PPARD: variants seen among roughly 807,000 people sequenced by gnomAD.
PPARD encodes the protein peroxisome proliferator activated receptor delta, also known as peroxisome proliferator-activated receptor delta.
In PPARD, 6 loss-of-function variants were observed where a neutral mutation model predicts 39.5. The observed-to-expected ratio is 0.15, with a 90% confidence interval of 0.08 to 0.30. The LOEUF (loss-of-function observed/expected upper bound fraction) is 0.30, where lower values mean the gene tolerates loss of function less well. Ranked by LOEUF, PPARD falls within the 10% of genes least tolerant of loss-of-function variation. PPARD has a pLI of 1.00. For missense variants in PPARD, 397 were observed against 596.8 expected, an observed-to-expected ratio of 0.67 and a Z score of 3.49; for synonymous variants, 210 against 231.3, an observed-to-expected ratio of 0.91 and a Z score of 0.83.
intron 2 of PPARD, among the ~76,000 whole-genome samples, chr6:35,391,432 G>A (rs942113132): frequency 4.6e-5 from 7 of 152,172 alleles, no homozygotes. Context: ...TCGGGTTTAC[G>A]TTGTTGGTGG....
chr6:35,350,645 G>C (rs1761187185), intron 2 of PPARD, among the ~76,000 whole-genome samples: 1 of 74,672 alleles, frequency 1.3e-5, no homozygotes, highest in Admixed American at 1.4e-4. Context: ...CTCTGAGACA[G>C]AGTTTTGCTC....
Position 35,419,478 on chromosome 6 carries a change from A to G in PPARD, c.131-649A>G, listed in dbSNP as rs980627157. ...TCAAACATCTATACGTCTGATAGAAAAACTTGGAGAAATTCAGTGTGTTGC... is the reference window on the plus strand; with the variant it reads ...TCAAACATCTATACGTCTGATAGAAGAACTTGGAGAAATTCAGTGTGTTGC... On this transcript the variant is annotated intron_variant, in intron 3 of 7. Transcript: ENST00000360694. Among the ~76,000 whole-genome samples the G allele has an allele frequency of 3.3e-5, 5 of 152,236 alleles. No homozygotes were observed. The East Asian group carries it at 9.6e-4, about 29-fold the overall frequency.
intron 2 of PPARD, chr6:35,349,089 G>C (rs1489749120): frequency 2.2e-6 from 2 of 898,276 alleles, no homozygotes; most frequent in Non-Finnish European, 2.7e-6. Context: ...GCAGTGGCGC[G>C]ATCTAGGCTC....
intron 2 of PPARD, among the ~76,000 whole-genome samples, chr6:35,384,329 C>T (rs1328618764): frequency 2.9e-5 from 4 of 139,230 alleles, no homozygotes; most frequent in East Asian, 2.3e-4. Flanking sequence ...GCCTCCCGCC[C>T]GGCCAGCCGC....
chr6:35,349,681 GT>G (rs1761119655), intron 2 of PPARD, among the ~76,000 whole-genome samples: 1 of 149,900 alleles, frequency 6.7e-6, no homozygotes, highest in Non-Finnish European at 1.5e-5. Flanking sequence ...TTTTTTGTTT[GT>G]TTTTGTTTTT....
chr6:35,390,117 C>G (rs1383817824), intron 2 of PPARD, among the ~76,000 whole-genome samples: 1 of 152,226 alleles, frequency 6.6e-6, no homozygotes, highest in Non-Finnish European at 1.5e-5. Context: ...CGTTGCCTGA[C>G]TCACCTTGGC....
At chr6:35,418,163 A>G (rs1304823014) in intron 3 of PPARD, among the ~76,000 whole-genome samples, 5 of 152,246 alleles carry the variant, frequency 3.3e-5, no homozygotes, top group African/African-American at 1.2e-4. Context: ...CCACAAAGAC[A>G]AAATTACAAG....
At chr6:35,394,110 C>T (rs1764173698) in intron 2 of PPARD, among the ~76,000 whole-genome samples, 2 of 152,230 alleles carry the variant, frequency 1.3e-5, no homozygotes, top group African/African-American at 2.4e-5. Context: ...CACCAGTCCC[C>T]CTCATTCTCC....
chr6:35,347,230 GA>G, intron 2 of PPARD, 80 bp downstream of exon 2: 1 of 1,486,754 alleles, frequency 6.7e-7, no homozygotes, highest in South Asian at 1.2e-5. Context: ...CCTTGAAGAT[GA>G]AATAATTTCA....
At chr6:35,422,270 T>C (rs902234886) in intron 5 of PPARD, among the ~76,000 whole-genome samples, 2 of 152,180 alleles carry the variant, frequency 1.3e-5, no homozygotes, top group African/African-American at 4.8e-5. Context: ...CTTGAACAAT[T>C]TGGGGAACAC....
At chr6:35,393,280 G>A (rs1318422209) in intron 2 of PPARD, among the ~76,000 whole-genome samples, 1 of 152,196 alleles carries the variant, frequency 6.6e-6, no homozygotes, top group Non-Finnish European at 1.5e-5. Flanking sequence ...AAAGGAAACA[G>A]GGTTTATAGA....
At chr6:35,379,099 T>G (rs1178370001) in intron 2 of PPARD, among the ~76,000 whole-genome samples, 1 of 150,446 alleles carries the variant, frequency 6.6e-6, no homozygotes, top group Non-Finnish European at 1.5e-5. Context: ...TTTCTTTCTT[T>G]TTTTTTTTTT....
intron 2 of PPARD, among the ~76,000 whole-genome samples, chr6:35,397,066 C>T (rs1405475936): frequency 1.3e-5 from 2 of 152,158 alleles, no homozygotes; most frequent in Non-Finnish European, 2.9e-5. Context: ...CTGCCCTTCA[C>T]TCTTCCCTCG....
Position 35,425,532 on chromosome 6 carries a change from C to T in PPARD, c.1079-300C>T. 1.2e-6 allele frequency: 1 copy of T among 842,960 alleles called. No individual in the cohort carries two copies. The highest frequency in any genetic ancestry group is 1.7e-6 in the Non-Finnish European group (1 of 598,550). 52.2% of individuals were successfully genotyped at this position (842,960 alleles called of 1,614,324 possible). On this transcript the variant is annotated intron_variant, in intron 7 of 7. Coordinates refer to ENST00000360694, the MANE Select transcript of PPARD (RefSeq NM_006238.5). This position sits in a 1 kb window ranked among gnomAD's most constrained non-coding sequence, Gnocchi z 4.5. ...TTTACACATCAGAGAGGCTGAATGA[C>T]CTGCCTATAGCCTCACAGGCAGACA...
chr6:35,390,673 TA>T (rs201663564), intron 2 of PPARD, among the ~76,000 whole-genome samples: 42 of 145,614 alleles, frequency 2.9e-4, no homozygotes, highest in Admixed American at 3.4e-4. Context: ...GGTGTTTCTG[TA>T]AAAAAAAAAG....
chr6:35,382,508 CAGTT>C lies in PPARD; in HGVS notation c.-101-28476_-101-28473del, dbSNP rs1218899929. 4.6e-5 allele frequency among the ~76,000 whole-genome samples: 7 copies of C among 152,182 alleles called. No homozygotes were observed. In the East Asian group the frequency reaches 1.2e-3, roughly 25 times the overall value. On this transcript the variant is annotated intron_variant, in intron 2 of 7. Coordinates refer to ENST00000360694, the MANE Select transcript of PPARD (RefSeq NM_006238.5). ...TTCTACTTACTATAAAATGTATTGA[CAGTT>C]AGACATTGATATTCCTTCTTAGAAC...
At position 35,425,007 on chromosome 6, in the gene PPARD, T is replaced by C. The variant is rs889104700; in HGVS notation, c.1078+228T>C. 3 of 1,388,740 alleles carry C rather than the reference T, an allele frequency of 2.2e-6. No individual in the cohort carries two copies. The highest frequency in any genetic ancestry group is 2.9e-5 in the African/African-American group (2 of 68,880). The allele number at this position is 1,388,740 out of a possible 1,614,324, so 86.0% of individuals were successfully genotyped here. On this transcript the variant is annotated intron_variant, in intron 7 of 7. Coordinates refer to ENST00000360694, the MANE Select transcript of PPARD (RefSeq NM_006238.5). This position sits in a 1 kb window ranked among gnomAD's most constrained non-coding sequence, Gnocchi z 4.5. Reference sequence around the variant, plus strand: ...AAAAGACTAAGCCAGACGTGGTGGCTCACACCTGTAATCCCAGCACTTTGG... The same window carrying C: ...AAAAGACTAAGCCAGACGTGGTGGCCCACACCTGTAATCCCAGCACTTTGG...
chr6:35,358,358 A>C (rs1319459002), intron 2 of PPARD, among the ~76,000 whole-genome samples: 1 of 152,352 alleles, frequency 6.6e-6, no homozygotes, highest in East Asian at 1.9e-4. Context: ...CACTGATTTT[A>C]GCCCAGTGAA....
chr6:35,377,840 T>C (rs1267232755), intron 2 of PPARD, among the ~76,000 whole-genome samples: 1 of 150,556 alleles, frequency 6.6e-6, no homozygotes, highest in Non-Finnish European at 1.5e-5. Flanking sequence ...GTAGTAACTA[T>C]CACTCTGTGG....
Sources: gnomAD v4.1 joint callset for allele counts (sites outside exome capture counted in the v4.1 genomes callset) on GRCh38, gnomAD v4.1.1 for gene constraint, Gnocchi (gnomAD v3.1) non-coding constraint, MANE v1.5 for transcripts, NCBI Gene and HGNC (gene_info 2026-07-23, HGNC 2026-07-21) for gene names.